The following TCERG1 variants were observed in gnomAD, a reference collection of about 807,000 sequenced individuals.
The protein encoded by TCERG1 is TATA box binding protein (TBP)-associated factor, RNA polymerase II, S, 150kD.
A neutral mutation model predicts 144.7 loss-of-function variants in TCERG1; 37 were observed. That is an observed-to-expected ratio of 0.26 (90% CI 0.20 to 0.34). The LOEUF is 0.34. TCERG1 is among the 10% of genes least tolerant of loss of function. The pLI is 1.00. For missense variants in TCERG1, 1,027 were observed against 1,380.7 expected (o/e 0.74, Z 4.06); for synonymous variants, 492 against 458.2 (o/e 1.07, Z -0.94).
intron 3 of TCERG1, 45 bp from the exon 4 acceptor site, chr5:146,458,839 A>G (rs1233207516): frequency 4.5e-6 from 7 of 1,555,646 alleles, no homozygotes; most frequent in Non-Finnish European, 6.1e-6. Flanking sequence ...TTTTAATAAT[A>G]ACTGACAGAT....
chr5:146,469,402 C>G, intron 6 of TCERG1, 142 bp from the exon 7 acceptor site: 1 of 626,864 alleles, frequency 1.6e-6, no homozygotes, highest in Non-Finnish European at 2.5e-6. Flanking sequence ...TTTTATGTCA[C>G]CTTTTTATAT....
At chr5:146,505,105 A>T (rs1030127257) in intron 19 of TCERG1, among the ~76,000 whole-genome samples, 1 of 147,802 alleles carries the variant, frequency 6.8e-6, no homozygotes, top group Admixed American at 6.7e-5. Context: ...AAAAAAAAAA[A>T]GGACAAAAAC....
In TCERG1 at chr5:146,455,186, C is replaced by G. The variant is rs1762719864; in HGVS notation, c.190C>G (p.Arg64Gly). The G allele has an allele frequency of 6.2e-7, 1 of 1,614,108 alleles. No homozygotes were observed. Among genetic ancestry groups the G allele is most frequent in the Non-Finnish European group, 8.5e-7 (1 of 1,180,054 alleles). ...GMMRGPPPPPRPPFGRPPFDP... is the reference protein window; with the variant it reads ...GMMRGPPPPPGPPFGRPPFDP... ...GATGCGAGGCCCTCCTCCACCACCA[C>G]GGCCGCCCTTTGGACGTCCTCCTTT... Residue 64 changes from arginine to glycine, a missense_variant, in exon 2 of 23, where the codon CGG (arginine) becomes GGG (glycine). This residue lies in a region of TCERG1 where 175 missense variants were observed against 197.0 expected (regional missense o/e 0.89). Transcript: ENST00000679501.
intron 9 of TCERG1, 67 bp downstream of exon 9, chr5:146,471,643 G>A (rs1192179460): frequency 2.1e-6 from 3 of 1,409,356 alleles, no homozygotes; most frequent in Non-Finnish European, 2.0e-6. Context: ...CTGTCACCAG[G>A]GCTGGAGTGC....
At chr5:146,492,794 G>A in intron 15 of TCERG1, 126 bp from the exon 16 acceptor site, 1 of 647,434 alleles carries the variant, frequency 1.5e-6, no homozygotes, top group East Asian at 3.0e-5. Flanking sequence ...GATTATCTGT[G>A]TATAATTATC....
intron 9 of TCERG1, among the ~76,000 whole-genome samples, chr5:146,475,163 A>G (rs1271171345): frequency 1.3e-5 from 2 of 152,034 alleles, no homozygotes; most frequent in Non-Finnish European, 2.9e-5. Context: ...TGTTTTTGTT[A>G]TTGAAGAAAT....
At chr5:146,455,356 TTACATTC>T in intron 2 of TCERG1, 75 bp downstream of exon 2, 2 of 1,502,284 alleles carry the variant, frequency 1.3e-6, no homozygotes, top group Non-Finnish European at 1.8e-6. Context: ...AGTTAAAAAC[TTACATTC>T]TTAAATAGTT....
At chr5:146,509,346 T>C (rs764314852) in intron 22 of TCERG1, 101 bp downstream of exon 22, 7 of 797,830 alleles carry the variant, frequency 8.8e-6, no homozygotes, top group South Asian at 1.9e-5. Flanking sequence ...GTTGACATTA[T>C]TAATTTTTAG....
intron 16 of TCERG1, among the ~76,000 whole-genome samples, chr5:146,494,300 C>G (rs935342631): frequency 1.3e-5 from 2 of 152,054 alleles, no homozygotes; most frequent in Non-Finnish European, 2.9e-5. Context: ...TCAGGAGTTG[C>G]ATGTTGAAAT....
chr5:146,483,171 A>G (rs879488696), intron 14 of TCERG1, among the ~76,000 whole-genome samples: 3 of 152,218 alleles, frequency 2.0e-5, no homozygotes, highest in Non-Finnish European at 2.9e-5. Context: ...ATTCATTTGA[A>G]TAAGTAAAAT....
rs1336958746 is a variant in TCERG1 at position 146,459,095 on chromosome 5, C to T, written c.650C>T (p.Ala217Val). 6.3e-7 allele frequency: 1 copy of T among 1,593,354 alleles called. No homozygotes were observed. The highest frequency in any genetic ancestry group is 1.7e-5 in the Admixed American group (1 of 59,202). ...GCTCAGGCCCAGGCCCAGGCCCAGG[C>T]CCAGGCCCAGGCCCAAGCCCAAGCC... The part of the protein sequence containing the change: ...AQAQAQAQAQ[A>V]QAQAQAQAQA... Residue 217 changes from alanine (A) to valine (V), a missense_variant, in exon 4 of 23, where the codon GCC becomes GTC. Transcript: ENST00000679501.
At chr5:146,471,217 G>A (rs1287429380) in intron 8 of TCERG1, among the ~76,000 whole-genome samples, 3 of 152,162 alleles carry the variant, frequency 2.0e-5, no homozygotes, top group Non-Finnish European at 1.5e-5. Context: ...AAATGAAGAG[G>A]TATGTACTGT....
In TCERG1 at chr5:146,452,574, A is replaced by G. The variant is rs918786759; in HGVS notation, c.60-2482A>G. Among the ~76,000 whole-genome samples, 8 of 152,138 alleles carry G rather than the reference A, an allele frequency of 5.3e-5. No homozygotes were observed. The East Asian group carries it at 1.4e-3, about 26-fold the overall frequency. Reference sequence around the variant, plus strand: ...TGAAGGAGCATTTGCCTGTGTTTGAATCCTCTCTTTATTTTCTTTATTTAT... The same window carrying G: ...TGAAGGAGCATTTGCCTGTGTTTGAGTCCTCTCTTTATTTTCTTTATTTAT... On this transcript the variant is annotated intron_variant, in intron 1 of 22. Coordinates refer to ENST00000679501, the MANE Select transcript of TCERG1 (RefSeq NM_001382548.1).
At chr5:146,501,341 A>C (rs1465607655) in intron 17 of TCERG1, among the ~76,000 whole-genome samples, 1 of 133,372 alleles carries the variant, frequency 7.5e-6, no homozygotes, top group Non-Finnish European at 1.6e-5. Flanking sequence ...AATTGTTCTC[A>C]TACTGATAGC....
intron 17 of TCERG1, among the ~76,000 whole-genome samples, chr5:146,501,616 G>A (rs1424817184): frequency 6.6e-6 from 1 of 152,138 alleles, no homozygotes; most frequent in African/African-American, 2.4e-5. Flanking sequence ...GTTGTCAAAT[G>A]CATCTAGGAA....
At chr5:146,482,835 T>C in intron 14 of TCERG1, 108 bp downstream of exon 14, 1 of 1,295,326 alleles carries the variant, frequency 7.7e-7, no homozygotes. Flanking sequence ...TGGGGGGGGA[T>C]AAGGGGATTT....
At chr5:146,454,476 T>C (rs1412240930) in intron 1 of TCERG1, among the ~76,000 whole-genome samples, 1 of 152,150 alleles carries the variant, frequency 6.6e-6, no homozygotes, top group Non-Finnish European at 1.5e-5. Context: ...GGTAAATACT[T>C]TAAGACCATC....
At chr5:146,457,804 C>T (rs1256863844) in intron 3 of TCERG1, among the ~76,000 whole-genome samples, 1 of 152,156 alleles carries the variant, frequency 6.6e-6, no homozygotes, top group African/African-American at 2.4e-5. Context: ...CCTTTGTGCT[C>T]ATTATAGAAA....
Position 146,511,248 on chromosome 5 carries a change from G to A in TCERG1, c.*606G>A, listed in dbSNP as rs1768435741. 1 of 152,594 alleles carries A rather than the reference G, an allele frequency of 6.6e-6. No homozygotes were observed. Among genetic ancestry groups the A allele is most frequent in the Admixed American group, 6.5e-5 (1 of 15,280 alleles). The allele number at this position is 152,594 out of a possible 1,614,324, so 9.5% of individuals were successfully genotyped here. On this transcript the variant is annotated 3_prime_UTR_variant, in exon 23 of 23. Transcript: ENST00000679501. ...TTGTTTAGCCTAAGAGAAGATTTAT[G>A]TAGTAATTTCTTCTCAGGTATGGAA...
Sources: allele counts gnomAD v4.1 joint callset (sites outside exome capture counted in the v4.1 genomes callset), GRCh38; gene constraint gnomAD v4.1.1; regional missense constraint gnomAD v4.1.1; transcripts MANE v1.5; gene names NCBI Gene and HGNC (gene_info 2026-07-23, HGNC 2026-07-21).